The following ADAMTS7 variants were observed in gnomAD, a reference collection of about 807,000 sequenced individuals.
The protein encoded by ADAMTS7 is ADAM metallopeptidase with thrombospondin type 1 motif 7, also known as A disintegrin and metalloproteinase with thrombospondin motifs 7.
Under a neutral mutation model 172.6 loss-of-function variants are expected in ADAMTS7, and 89 were observed. The ratio of observed to expected loss-of-function variants is 0.52; its 90% CI spans 0.43 to 0.61. The LOEUF is 0.61. Ranked by LOEUF, ADAMTS7 falls within the 20% of genes least tolerant of loss-of-function variation. The probability of loss-of-function intolerance (pLI) is 0.00; values close to 1 mark genes in which losing one functional copy is unlikely to be tolerated. For synonymous variants in ADAMTS7, 885 were observed against 978.4 expected, an observed-to-expected ratio of 0.90 and a Z score of 1.78; for missense variants, 1,973 against 2,355.6, an observed-to-expected ratio of 0.84 and a Z score of 3.36.
chr15:78,789,051 G>A (rs919920348), intron 7 of ADAMTS7, among the ~76,000 whole-genome samples: 5 of 152,234 alleles, frequency 3.3e-5, no homozygotes, highest in African/African-American at 1.2e-4. Context: ...TGCAGGCACG[G>A]CCATCGCCTA....
intron 1 of ADAMTS7, among the ~76,000 whole-genome samples, chr15:78,805,940 C>T (rs1242031888): frequency 6.6e-6 from 1 of 151,686 alleles, no homozygotes; most frequent in Non-Finnish European, 1.5e-5. Context: ...ATTAGCCAGG[C>T]ATGGTGGTGT....
At chr15:78,794,572 T>C (rs769129258) in intron 4 of ADAMTS7, among the ~76,000 whole-genome samples, 3 of 151,996 alleles carry the variant, frequency 2.0e-5, no homozygotes, top group Non-Finnish European at 4.4e-5. Context: ...TCCCCGAGGA[T>C]GGGGCTCACC....
Position 78,776,331 on chromosome 15 carries a change from C to A in ADAMTS7, c.1563G>T (p.Trp521Cys), listed in dbSNP as rs764668661. 8.1e-6 allele frequency: 13 copies of A among 1,611,118 alleles called. No individual in the cohort carries two copies. The South Asian group carries it at 1.2e-4, about 15-fold the overall frequency. The change falls in exon 11 of 24, where the codon TGG becomes TGT. Residue 521 changes from tryptophan to cysteine, a missense_variant and splice_region_variant. Around this residue, in one of 8 missense-constraint regions of ADAMTS7, gnomAD observed 526 missense variants for 662.9 expected, o/e 0.79. Transcript: ENST00000388820. Reference protein sequence around the residue: ...VDGTRCGENKWCLSGECVPVG... With the variant: ...VDGTRCGENKCCLSGECVPVG... Reference sequence around the variant, plus strand: ...CGGGTACGCACTCCCCACTGAGACACCACTACTGAGACAGACGGAGGTAGA... The same window carrying A: ...CGGGTACGCACTCCCCACTGAGACAACACTACTGAGACAGACGGAGGTAGA...
Position 78,788,290 on chromosome 15 carries a change from G to T in ADAMTS7, c.1263C>A (p.Tyr421Ter). Residue 421 changes from tyrosine to a stop codon, truncating the protein, a stop_gained, in exon 8 of 24, where the codon TAC becomes TAA. Coordinates refer to ENST00000388820, the MANE Select transcript of ADAMTS7 (RefSeq NM_014272.5). LOFTEE classifies it high-confidence loss of function. ...RPFIMSPQLL[Y>*]DAAPLTWSRC... ...GGGACCAGGTGAGGGGAGCGGCGTCGTACAGGAGCTGTGGAGACATGATGA... is the reference window on the plus strand; with the variant it reads ...GGGACCAGGTGAGGGGAGCGGCGTCTTACAGGAGCTGTGGAGACATGATGA... 6.2e-7 allele frequency: 1 copy of T among 1,613,780 alleles called. No homozygotes were observed. The highest frequency in any genetic ancestry group is 8.5e-7 in the Non-Finnish European group (1 of 1,180,010).
chr15:78,763,882 G>A (rs1366472898), intron 21 of ADAMTS7, 37 bp from the exon 22 acceptor site: 3 of 1,568,412 alleles, frequency 1.9e-6, no homozygotes, highest in Admixed American at 1.9e-5. Context: ...CACAGCCAGG[G>A]TCTGAGGGCG....
chr15:78,765,490 G>A (rs1250061487), intron 19 of ADAMTS7, among the ~76,000 whole-genome samples, 155 bp downstream of exon 19: 1 of 151,856 alleles, frequency 6.6e-6, no homozygotes, highest in Non-Finnish European at 1.5e-5. Flanking sequence ...CAGGAATGGG[G>A]CCCGGGGTCC....
rs2055282645 is a variant in ADAMTS7 at position 78,773,222 on chromosome 15, G to A, written c.2011-19C>T. 2 of 1,401,600 alleles carry A rather than the reference G, an allele frequency of 1.4e-6. 1 individual carries two copies. Among genetic ancestry groups the A allele is most frequent in the Middle Eastern group, 4.0e-4 (2 of 5,028 alleles). The allele number at this position is 1,401,600 out of a possible 1,614,324, so 86.8% of individuals were successfully genotyped here. A position where few individuals can be genotyped will look rare whatever the true frequency, so the allele number is the denominator to read the frequency against. On this transcript the variant is annotated intron_variant, in intron 13 of 23. Transcript: ENST00000388820. ...CCACGTTCTGCAACACACAAGGAAG[G>A]GAGGGCCCTGGTGCTGGCGGCCAGC... is the stretch of plus-strand genomic sequence containing the variant.
At chr15:78,778,019 C>A (rs2055377334) in intron 8 of ADAMTS7, among the ~76,000 whole-genome samples, 1 of 152,232 alleles carries the variant, frequency 6.6e-6, no homozygotes, top group African/African-American at 2.4e-5. Flanking sequence ...CGGCCCCACC[C>A]AGGCAGAGAC....
At chr15:78,785,923 C>A (rs1036271062) in intron 8 of ADAMTS7, among the ~76,000 whole-genome samples, 2 of 140,084 alleles carry the variant, frequency 1.4e-5, no homozygotes, top group African/African-American at 5.3e-5. Context: ...CTGTTGCCAT[C>A]TTCTATTATT....
chr15:78,787,152 G>A (rs2055512581), intron 8 of ADAMTS7, among the ~76,000 whole-genome samples: 1 of 151,978 alleles, frequency 6.6e-6, no homozygotes, highest in Non-Finnish European at 1.5e-5. Flanking sequence ...GCAGTTTTGG[G>A]CGAGTCGAAA....
In ADAMTS7 at chr15:78,776,740, A is replaced by G; in HGVS notation, c.1560+9T>C. ...CACACCCACTGCCGGGACTGGGGAC[A>G]TCCCCTACCTTATTCTCCCCACACC... On this transcript the variant is annotated intron_variant, in intron 10 of 23. Transcript: ENST00000388820. 1.3e-6 allele frequency: 2 copies of G among 1,548,116 alleles called. No individual in the cohort carries two copies. The highest frequency in any genetic ancestry group is 1.7e-6 in the Non-Finnish European group (2 of 1,144,006).
At chr15:78,799,578 T>C (rs1275731441) in intron 2 of ADAMTS7, among the ~76,000 whole-genome samples, 1 of 145,302 alleles carries the variant, frequency 6.9e-6, no homozygotes, top group Non-Finnish European at 1.6e-5. Flanking sequence ...AAAAGCAGCC[T>C]AAAGGGACCT....
chr15:78,799,467 AC>A (rs2055689859), intron 2 of ADAMTS7, among the ~76,000 whole-genome samples: 1 of 128,826 alleles, frequency 7.8e-6, no homozygotes, highest in Admixed American at 7.7e-5. Flanking sequence ...GGAAGCTGAG[AC>A]CTGCTTTTCC....
rs569275861 is a variant in ADAMTS7, at chr15:78,766,142, C to T, written c.3769G>A (p.Val1257Met). The change falls in exon 19 of 24, where the codon GTG becomes ATG. Residue 1257 changes from valine to methionine, a missense_variant. Around this residue, in one of 8 missense-constraint regions of ADAMTS7, gnomAD observed 771 missense variants for 952.6 expected, o/e 0.81. Transcript: ENST00000388820. ...GSTHSSPSPD[V>M]AELWTGGTVA... ...GTGCCTCCTGTCCACAGCTCCGCCA[C>T]GTCAGGACTAGGAGAGGAGTGGGTG... 61 of 1,611,392 alleles carry T rather than the reference C, an allele frequency of 3.8e-5. 1 individual carries two copies. In the African/African-American group the frequency reaches 5.6e-4, roughly 15 times the overall value.
rs1175212911 is a variant in ADAMTS7 at position 78,777,244 on chromosome 15, C to A, written c.1467+200G>T. 23 of 744,138 alleles carry A rather than the reference C, an allele frequency of 3.1e-5. No homozygotes were observed. In the Admixed American group the frequency reaches 6.5e-4, roughly 21 times the overall value. 46.1% of individuals were successfully genotyped at this position (744,138 alleles called of 1,614,324 possible). On this transcript the variant is annotated intron_variant, in intron 9 of 23. Transcript: ENST00000388820. ...GGGTCACAGTTGGTCCATGGTTGAC[C>A]CAGAATTCAGAGCTGGGTCTGTGGC...
intron 1 of ADAMTS7, chr15:78,810,859 C>T (rs1473022853): frequency 5.8e-6 from 2 of 343,174 alleles, no homozygotes; most frequent in African/African-American, 2.1e-5. Flanking sequence ...GCCCGAAGAG[C>T]GGAAGGGGCT....
Position 78,772,907 on chromosome 15 carries a change from C to T in ADAMTS7, c.2131+176G>A, listed in dbSNP as rs539241757. 2.8e-4 allele frequency among the ~76,000 whole-genome samples: 42 copies of T among 152,370 alleles called. 1 individual carries two copies. The South Asian group carries it at 8.3e-3, about 30-fold the overall frequency. On this transcript the variant is annotated intron_variant, in intron 14 of 23. Coordinates refer to ENST00000388820, the MANE Select transcript of ADAMTS7 (RefSeq NM_014272.5). ...GACTCCCCATGGGGACAGGTCTCTG[C>T]ACATGGGCCAGGGGTCCCCTGACTC... is the stretch of plus-strand genomic sequence containing the variant.
chr15:78,789,011 T>C (rs911395461), intron 7 of ADAMTS7, among the ~76,000 whole-genome samples: 1 of 152,226 alleles, frequency 6.6e-6, no homozygotes, highest in Non-Finnish European at 1.5e-5. Context: ...CAGGCTGTTC[T>C]TTCTGCAGCC....
At chr15:78,807,511 T>C (rs1347942540) in intron 1 of ADAMTS7, among the ~76,000 whole-genome samples, 1 of 152,238 alleles carries the variant, frequency 6.6e-6, no homozygotes, top group Non-Finnish European at 1.5e-5. Context: ...TTCGGATTAG[T>C]GAGCTCTAGA....
Sources: allele counts gnomAD v4.1 joint callset (sites outside exome capture counted in the v4.1 genomes callset), GRCh38; gene constraint gnomAD v4.1.1; regional missense constraint gnomAD v4.1.1; transcripts MANE v1.5; gene names NCBI Gene and HGNC (gene_info 2026-07-23, HGNC 2026-07-21).